Variants in KCNC2 observed in about 807,000 individuals in gnomAD.
The protein encoded by KCNC2 is potassium voltage-gated channel subfamily C member 2, also known as voltage-gated potassium channel KCNC2.
In KCNC2, 21 loss-of-function variants were observed where a neutral mutation model predicts 44.5. The observed-to-expected ratio is 0.47, with a 90% CI of 0.33 to 0.68. The LOEUF is 0.68. KCNC2 is among the 30% of genes least tolerant of loss of function. The pLI is 0.01. For missense variants in KCNC2, 589 were observed against 826.2 expected, an observed-to-expected ratio of 0.71 and a Z score of 3.52; for synonymous variants, 391 against 339.1, an observed-to-expected ratio of 1.15 and a Z score of -1.68.
intron 2 of KCNC2, among the ~76,000 whole-genome samples, chr12:75,191,546 TTTTTTTTTTTTTTTG>T (rs1188416221): frequency 7.4e-4 from 42 of 57,072 alleles, no homozygotes; most frequent in African/African-American, 1.3e-3. Context: ...TTTTTTTTTT[TTTTTTTTTTTTTTTG>T]GAGACGGAGT....
At chr12:75,138,979 T>TAAAAAAAAAAAAAAAAAAAAA (rs373729570) in intron 2 of KCNC2, among the ~76,000 whole-genome samples, 22 of 77,930 alleles carry the variant, frequency 2.8e-4, no homozygotes, top group African/African-American at 9.2e-4. Context: ...AGACTCCGTG[T>TAAAAAAAAAAAAAAAAAAAAA]AAAAAAAAAA....
intron 2 of KCNC2, among the ~76,000 whole-genome samples, chr12:75,075,362 C>A (rs1193948551): frequency 6.6e-6 from 1 of 151,244 alleles, no homozygotes. Context: ...AAAAAAAATA[C>A]CCCTTAAGGA....
intron 2 of KCNC2, among the ~76,000 whole-genome samples, chr12:75,131,068 C>A (rs994568385): frequency 2.0e-5 from 3 of 152,048 alleles, no homozygotes; most frequent in Non-Finnish European, 4.4e-5. Flanking sequence ...TGCAAATTAT[C>A]CACCAAAATA....
intron 2 of KCNC2, among the ~76,000 whole-genome samples, chr12:75,145,219 A>G (rs1267043745): frequency 6.6e-6 from 1 of 152,166 alleles, no homozygotes. Context: ...TCTCCAAAAA[A>G]AAAAAGTACC....
At chr12:75,204,529 A>G (rs2031533745) in intron 2 of KCNC2, among the ~76,000 whole-genome samples, 1 of 152,104 alleles carries the variant, frequency 6.6e-6, no homozygotes, top group Non-Finnish European at 1.5e-5. Context: ...TGTGTCAAAT[A>G]TTTCAATGAA....
At chr12:75,109,412 C>G (rs1887046158) in intron 2 of KCNC2, among the ~76,000 whole-genome samples, 1 of 152,086 alleles carries the variant, frequency 6.6e-6, no homozygotes, top group African/African-American at 2.4e-5. Flanking sequence ...GTGTGGCACC[C>G]AAAGATAACT....
chr12:75,194,142 A>T (rs1031176368), intron 2 of KCNC2, among the ~76,000 whole-genome samples: 3 of 152,168 alleles, frequency 2.0e-5, no homozygotes, highest in Admixed American at 1.3e-4. Context: ...TGTCCCTCAA[A>T]ATTCATGTCT....
intron 2 of KCNC2, among the ~76,000 whole-genome samples, chr12:75,143,002 C>T (rs1018526961): frequency 6.6e-5 from 10 of 151,984 alleles, no homozygotes; most frequent in Admixed American, 1.3e-4. Flanking sequence ...AATTTTAGGC[C>T]CATTCCCAAC....
Position 75,040,190 on chromosome 12 carries a change from G to A in KCNC2, c.*2915C>T, listed in dbSNP as rs1012344130. On this transcript the variant is annotated 3_prime_UTR_variant, in exon 5 of 5. Transcript: ENST00000549446. Reference sequence around the variant, plus strand: ...ACTGGTTATCATCAAGGTTGTGCATGCGCCTTGAAATGTTCACAAAAGGTC... The same window carrying A: ...ACTGGTTATCATCAAGGTTGTGCATACGCCTTGAAATGTTCACAAAAGGTC... The A allele has an allele frequency of 6.6e-6, 1 of 151,996 alleles. No homozygotes were observed. Among genetic ancestry groups the A allele is most frequent in the Non-Finnish European group, 1.5e-5 (1 of 67,948 alleles). The allele number at this position is 151,996 out of a possible 1,614,324, so 9.4% of individuals were successfully genotyped here.
At chr12:75,080,802 G>T (rs1439603040) in intron 2 of KCNC2, among the ~76,000 whole-genome samples, 1 of 151,892 alleles carries the variant, frequency 6.6e-6, no homozygotes, top group Non-Finnish European at 1.5e-5. Context: ...ATTCACATGT[G>T]CATGTGCCGT....
Position 75,048,298 on chromosome 12 carries a change from A to C in KCNC2, c.1635T>G (p.Ser545Arg), listed in dbSNP as rs749078233. The change falls in exon 4 of 5, where the codon AGT (serine) becomes AGG (arginine). Residue 545 changes from serine (S) to arginine (R), a missense_variant. Ser to Arg is a moderately radical substitution (Grantham distance 110). Transcript: ENST00000549446. ...GTGATAGTGGCGGCTCACTTCCTGTACTGTCGTCACCTGATAACACTGGTC... is the reference window on the plus strand; with the variant it reads ...GTGATAGTGGCGGCTCACTTCCTGTCCTGTCGTCACCTGATAACACTGGTC... ...HNRSVLSGDD[S>R]TGSEPPLSPP... 15 of 1,612,036 alleles carry C rather than the reference A, an allele frequency of 9.3e-6. No individual in the cohort carries two copies. In the Admixed American group the frequency reaches 1.5e-4, roughly 16 times the overall value.
At chr12:75,068,197 T>G (rs1418907766) in intron 2 of KCNC2, among the ~76,000 whole-genome samples, 1 of 152,212 alleles carries the variant, frequency 6.6e-6, no homozygotes, top group African/African-American at 2.4e-5. Flanking sequence ...AAATTGGGAA[T>G]GGCCACCAAT....
intron 2 of KCNC2, among the ~76,000 whole-genome samples, chr12:75,195,560 C>T (rs115774647): frequency 1.3e-5 from 2 of 152,114 alleles, no homozygotes; most frequent in East Asian, 3.9e-4. Flanking sequence ...TTCACTCCTA[C>T]CTAATTAGTC....
intron 2 of KCNC2, among the ~76,000 whole-genome samples, chr12:75,103,375 A>G (rs1886527841): frequency 6.6e-6 from 1 of 152,184 alleles, no homozygotes; most frequent in South Asian, 2.1e-4. Context: ...GCCATTCATA[A>G]TAGTTCACCA....
intron 2 of KCNC2, among the ~76,000 whole-genome samples, chr12:75,107,063 G>A (rs1194161387): frequency 6.6e-6 from 1 of 152,104 alleles, no homozygotes; most frequent in Admixed American, 6.5e-5. Context: ...CCAGCACTTT[G>A]GGGGGCTGAG....
At chr12:75,078,662 C>A (rs772138959) in intron 2 of KCNC2, among the ~76,000 whole-genome samples, 1 of 152,106 alleles carries the variant, frequency 6.6e-6, no homozygotes, top group Non-Finnish European at 1.5e-5. Context: ...GCACAGAGAT[C>A]TTAACTTGCT....
Position 75,199,836 on chromosome 12 carries a change from C to G in KCNC2, c.687+7461G>C, listed in dbSNP as rs142688838. Among the ~76,000 whole-genome samples, 569 of 151,832 alleles carry G rather than the reference C, an allele frequency of 3.7e-3. 1 individual carries two copies. Among genetic ancestry groups the G allele is most frequent in the African/African-American group, 0.013 (535 of 41,502 alleles). ...AAACGTATTATAAAAGACTTATACA[C>G]AAAAGGGCCAAAGGAAAAATAGGTA... On this transcript the variant is annotated intron_variant, in intron 2 of 4. Coordinates refer to ENST00000549446, the MANE Select transcript of KCNC2 (RefSeq NM_139137.4).
intron 2 of KCNC2, among the ~76,000 whole-genome samples, chr12:75,076,902 T>C (rs895948192): frequency 2.0e-5 from 3 of 152,232 alleles, no homozygotes; most frequent in African/African-American, 7.2e-5. Context: ...TTTCTAAATG[T>C]AATCTAGTCA....
chr12:75,043,357 A>G, intron 4 of KCNC2, 116 bp from the exon 5 acceptor site: 1 of 1,447,034 alleles, frequency 6.9e-7, no homozygotes. Flanking sequence ...GAATTTGTTT[A>G]CAAAGAATTT....
Sources: allele counts gnomAD v4.1 joint callset (sites outside exome capture counted in the v4.1 genomes callset), GRCh38; gene constraint gnomAD v4.1.1; transcripts MANE v1.5; gene names NCBI Gene and HGNC (gene_info 2026-07-23, HGNC 2026-07-21).